UBE2W: variants seen among roughly 807,000 people sequenced by gnomAD.
The protein encoded by UBE2W is ubiquitin conjugating enzyme E2 W, also known as ubiquitin-conjugating enzyme E2 W.
UBE2W carries 18 observed loss-of-function variants against 27.2 expected under a neutral mutation model. The ratio of observed to expected loss-of-function variants is 0.66; its 90% CI spans 0.46 to 0.98. The LOEUF (loss-of-function observed/expected upper bound fraction) is 0.98, where lower values mean the gene tolerates loss of function less well. UBE2W is among the 50% of genes least tolerant of loss of function. The pLI is 0.00. For missense variants in UBE2W, 90 were observed against 180.2 expected (o/e 0.50, Z 2.87); for synonymous variants, 53 against 57.2 (o/e 0.93, Z 0.33).
In UBE2W at chr8:73,786,648, G is replaced by T. The variant is rs145063564; in HGVS notation, c.*7454C>A. Reference sequence around the variant, plus strand: ...AGAACATTAGCAGACGGCAGTGGAAGCTTGCATTGCTACTGCTTATGAAAC... The same window carrying T: ...AGAACATTAGCAGACGGCAGTGGAATCTTGCATTGCTACTGCTTATGAAAC... On this transcript the variant is annotated 3_prime_UTR_variant, in exon 6 of 6. Transcript: ENST00000602593. 112 of 985,468 alleles carry T rather than the reference G, an allele frequency of 1.1e-4. No individual in the cohort carries two copies. The African/African-American group carries it at 1.6e-3, about 14-fold the overall frequency. 61.0% of individuals were successfully genotyped at this position (985,468 alleles called of 1,614,324 possible). A position where few individuals can be genotyped will look rare whatever the true frequency, so the allele number is the denominator to read the frequency against.
At chr8:73,823,321 A>G (rs919366805) in intron 3 of UBE2W, among the ~76,000 whole-genome samples, 1 of 152,254 alleles carries the variant, frequency 6.6e-6, no homozygotes, top group African/African-American at 2.4e-5. Context: ...AGAATTAAAT[A>G]TTAAGGAAAG....
At chr8:73,868,098 G>A (rs1811854498) in intron 1 of UBE2W, among the ~76,000 whole-genome samples, 1 of 152,180 alleles carries the variant, frequency 6.6e-6, no homozygotes, top group South Asian at 2.1e-4. Flanking sequence ...ATGACTGGTG[G>A]CTGGGGGCTC....
chr8:73,816,131 G>T (rs1162021780), intron 3 of UBE2W, among the ~76,000 whole-genome samples: 1 of 152,068 alleles, frequency 6.6e-6, no homozygotes, highest in African/African-American at 2.4e-5. Context: ...CTGTAATAAC[G>T]AGTACCATGC....
intron 1 of UBE2W, among the ~76,000 whole-genome samples, chr8:73,872,111 G>A (rs745405125): frequency 1.3e-5 from 2 of 152,166 alleles, no homozygotes; most frequent in Non-Finnish European, 2.9e-5. Context: ...CCTTGATAAT[G>A]AAGATTATCT....
rs1485773189 is a variant in UBE2W at position 73,786,322 on chromosome 8, A to G, written c.*7780T>C. On this transcript the variant is annotated 3_prime_UTR_variant, in exon 6 of 6. Transcript: ENST00000602593. ...TTTTACTCAGGTGGTGGTTCTGGAT[A>G]TATGTTTCAAAATAGCTAGCACCTA... The G allele has an allele frequency of 3.0e-6, 3 of 985,342 alleles. No homozygotes were observed. Among genetic ancestry groups the G allele is most frequent in the African/African-American group, 3.5e-5 (2 of 57,242 alleles). 61.0% of individuals were successfully genotyped at this position (985,342 alleles called of 1,614,324 possible). A position where few individuals can be genotyped will look rare whatever the true frequency, so the allele number is the denominator to read the frequency against.
At chr8:73,856,357 A>ATTTT (rs34593904) in intron 1 of UBE2W, among the ~76,000 whole-genome samples, 2,012 of 89,252 alleles carry the variant, frequency 0.023, 23 homozygotes, top group Non-Finnish European at 0.029. Flanking sequence ...ACACTTATGA[A>ATTTT]TTTTTTTTTT....
downstream of UBE2W, among the ~76,000 whole-genome samples, chr8:73,782,555 T>C (rs1222494557): frequency 6.6e-6 from 1 of 152,188 alleles, no homozygotes; most frequent in Non-Finnish European, 1.5e-5. Context: ...AACCGAGATT[T>C]ATCAGGATTC....
Position 73,842,346 on chromosome 8 carries a change from G to A in UBE2W, c.16-11874C>T, listed in dbSNP as rs145565241. On this transcript the variant is annotated intron_variant, in intron 1 of 5. Transcript: ENST00000602593. Reference sequence around the variant, plus strand: ...GATTGAGACCATCCTGGCTTAACATGGTGAAACCCTGTCTCGACTAAAAAT... The same window carrying A: ...GATTGAGACCATCCTGGCTTAACATAGTGAAACCCTGTCTCGACTAAAAAT... 1.5e-3 allele frequency among the ~76,000 whole-genome samples: 224 copies of A among 151,844 alleles called. 9 individuals are homozygous for A. In the East Asian group the frequency reaches 0.038, roughly 26 times the overall value.
At chr8:73,813,654 G>A (rs1301102718) in intron 3 of UBE2W, among the ~76,000 whole-genome samples, 1 of 151,934 alleles carries the variant, frequency 6.6e-6, no homozygotes, top group Non-Finnish European at 1.5e-5. Flanking sequence ...TGCCAGAGGT[G>A]AATTTACATG....
intron 3 of UBE2W, among the ~76,000 whole-genome samples, chr8:73,824,532 T>C (rs1809749558): frequency 6.6e-6 from 1 of 152,222 alleles, no homozygotes; most frequent in Non-Finnish European, 1.5e-5. Context: ...AAATGTCAAC[T>C]TCTCCGATGG....
chr8:73,875,153 G>C (rs1812164340), intron 1 of UBE2W, among the ~76,000 whole-genome samples: 1 of 152,190 alleles, frequency 6.6e-6, no homozygotes, highest in African/African-American at 2.4e-5. Flanking sequence ...AATGAGTAAA[G>C]AATGTCTCAA....
At chr8:73,803,124 G>A (rs1358432603) in intron 5 of UBE2W, among the ~76,000 whole-genome samples, 8 of 151,934 alleles carry the variant, frequency 5.3e-5, no homozygotes, top group Non-Finnish European at 7.4e-5. Flanking sequence ...CTGAGGGCAG[G>A]AGAATTGCTT....
chr8:73,816,130 C>T (rs186374254), intron 3 of UBE2W, among the ~76,000 whole-genome samples: 2 of 152,290 alleles, frequency 1.3e-5, no homozygotes, highest in African/African-American at 2.4e-5. Context: ...TCTGTAATAA[C>T]GAGTACCATG....
chr8:73,834,920 AT>A (rs2130916397), intron 1 of UBE2W, among the ~76,000 whole-genome samples: 1 of 152,322 alleles, frequency 6.6e-6, no homozygotes, highest in East Asian at 1.9e-4. Flanking sequence ...ATAAAATAAA[AT>A]AAACAAAAAA....
chr8:73,805,251 C>T (rs1808826017), intron 5 of UBE2W, among the ~76,000 whole-genome samples: 1 of 149,592 alleles, frequency 6.7e-6, no homozygotes, highest in Non-Finnish European at 1.5e-5. Flanking sequence ...GTCAGGAGTT[C>T]AAGACCAGAC....
intron 1 of UBE2W, among the ~76,000 whole-genome samples, chr8:73,873,129 G>C (rs1032040716): frequency 6.6e-6 from 1 of 151,990 alleles, no homozygotes; most frequent in South Asian, 2.1e-4. Flanking sequence ...GGCTGGTCTC[G>C]ATCTCCTGAC....
chr8:73,864,411 TTTC>T (rs1442174757), intron 1 of UBE2W, among the ~76,000 whole-genome samples: 5 of 152,136 alleles, frequency 3.3e-5, no homozygotes, highest in Non-Finnish European at 7.4e-5. Flanking sequence ...AATACAGTCA[TTTC>T]TCATTATTCA....
intron 1 of UBE2W, chr8:73,831,152 C>T: frequency 6.8e-6 from 3 of 441,530 alleles, no homozygotes; most frequent in South Asian, 2.1e-5. Flanking sequence ...GTAGTTCTGG[C>T]AGCAGCCACC....
chr8:73,847,924 G>A (rs574963440), intron 1 of UBE2W, among the ~76,000 whole-genome samples: 15 of 151,168 alleles, frequency 9.9e-5, no homozygotes, highest in Non-Finnish European at 2.1e-4. Context: ...AAAAACAGCC[G>A]GGCACCATGG....
Sources: gnomAD v4.1 joint callset for allele counts (sites outside exome capture counted in the v4.1 genomes callset) on GRCh38, gnomAD v4.1.1 for gene constraint, MANE v1.5 for transcripts, NCBI Gene and HGNC (gene_info 2026-07-23, HGNC 2026-07-21) for gene names.